OSBPL11: variants seen among roughly 807,000 people sequenced by gnomAD.
OSBPL11 encodes the protein oxysterol-binding protein-related protein 11.
Under a neutral mutation model 84.4 loss-of-function variants are expected in OSBPL11, and 33 were observed. The observed-to-expected ratio is 0.39, with a 90% CI of 0.30 to 0.52. The LOEUF is 0.52. OSBPL11 is among the 20% of genes least tolerant of loss of function. OSBPL11 has a pLI of 0.72. For synonymous variants in OSBPL11, 276 were observed against 310.2 expected, an observed-to-expected ratio of 0.89 and a Z score of 1.16; for missense variants, 736 against 901.1, an observed-to-expected ratio of 0.82 and a Z score of 2.35.
At chr3:125,557,566 C>T (rs945618253) in intron 8 of OSBPL11, among the ~76,000 whole-genome samples, 2 of 151,444 alleles carry the variant, frequency 1.3e-5, no homozygotes, top group African/African-American at 2.4e-5. Context: ...TTAGTAGAGA[C>T]GGGGTTTCAC....
At chr3:125,579,239 T>C (rs1031570910) in intron 3 of OSBPL11, among the ~76,000 whole-genome samples, 200 bp from the exon 4 acceptor site, 2 of 152,166 alleles carry the variant, frequency 1.3e-5, no homozygotes, top group African/African-American at 4.8e-5. Flanking sequence ...TGTAGTTACT[T>C]CATTAAAAGG....
intron 7 of OSBPL11, among the ~76,000 whole-genome samples, chr3:125,561,532 C>T (rs914655348): frequency 1.3e-5 from 2 of 152,322 alleles, no homozygotes; most frequent in Non-Finnish European, 2.9e-5. Flanking sequence ...TTGAAATGCA[C>T]ATAATCTATT....
rs375019255 is a variant in OSBPL11 at position 125,570,891 on chromosome 3, C to T, written c.667-3296G>A. On this transcript the variant is annotated intron_variant, in intron 5 of 12. Transcript: ENST00000296220. ...ATGGACTAATACAGTAAATTGGTAC[C>T]GGAAGTGGGGAGCTGCTGAAAAGAT... Among the ~76,000 whole-genome samples the T allele has an allele frequency of 9.2e-5, 14 of 152,050 alleles. No individual in the cohort carries two copies. The East Asian group carries it at 9.6e-4, about 10-fold the overall frequency.
chr3:125,590,877 C>G (rs1308692708), intron 1 of OSBPL11, among the ~76,000 whole-genome samples: 2 of 152,106 alleles, frequency 1.3e-5, no homozygotes, highest in African/African-American at 4.8e-5. Context: ...AAATATCTAT[C>G]TAGAAATAAA....
At chr3:125,543,124 A>ATTTTTTTTTTTTTTTTT (rs60571172) in intron 10 of OSBPL11, among the ~76,000 whole-genome samples, 1 of 99,288 alleles carries the variant, frequency 1.0e-5, no homozygotes, top group Non-Finnish European at 1.9e-5. Flanking sequence ...GGCTAGTAAG[A>ATTTTTTTTTTTTTTTTT]TTTTTTTTTT....
rs748312906 is a variant in OSBPL11 at position 125,567,447 on chromosome 3, A to C, written c.815T>G (p.Phe272Cys). The change falls in exon 6 of 13, where the codon TTT (phenylalanine) becomes TGT (cysteine). Residue 272 changes from phenylalanine (F) to cysteine (C), a missense_variant. This residue lies in a region of OSBPL11 where 579 missense variants were observed against 717.6 expected (regional missense o/e 0.81). Transcript: ENST00000296220. Reference protein sequence around the residue: ...MATMNCLNDCFHILQLQHASH... With the variant: ...MATMNCLNDCCHILQLQHASH... ...TGCATGCTGTAACTGGAGAATATGA[A>C]AGCAGTCATTTAAGCAGTTCATAGT... 15 of 1,614,034 alleles carry C rather than the reference A, an allele frequency of 9.3e-6. No homozygotes were observed. Among genetic ancestry groups the C allele is most frequent in the Non-Finnish European group, 1.3e-5 (15 of 1,180,014 alleles).
chr3:125,574,576 A>G (rs1210654616), intron 5 of OSBPL11, among the ~76,000 whole-genome samples: 1 of 151,638 alleles, frequency 6.6e-6, no homozygotes, highest in Admixed American at 6.6e-5. Context: ...TGAGGTAGAC[A>G]TTTTCTCAAG....
intron 10 of OSBPL11, among the ~76,000 whole-genome samples, chr3:125,539,885 T>TTA (rs1935705359): frequency 6.6e-6 from 1 of 152,130 alleles, no homozygotes; most frequent in African/African-American, 2.4e-5. Context: ...AGAATATGGC[T>TTA]TATCTAGATT....
At position 125,567,454 on chromosome 3, in the gene OSBPL11, C is replaced by T. The variant is rs370001434; in HGVS notation, c.808G>A (p.Asp270Asn). 15 of 1,613,968 alleles carry T rather than the reference C, an allele frequency of 9.3e-6. No homozygotes were observed. Among genetic ancestry groups the T allele is most frequent in the Non-Finnish European group, 1.3e-5 (15 of 1,180,014 alleles). ...TGTAACTGGAGAATATGAAAGCAGT[C>T]ATTTAAGCAGTTCATAGTTGCCATG... ...TSMATMNCLN[D>N]CFHILQLQHA... The change falls in exon 6 of 13, where the codon GAC becomes AAC. Residue 270 changes from aspartate (D) to asparagine (N), a missense_variant. Asp to Asn is a conservative substitution (Grantham distance 23). Coordinates refer to ENST00000296220, the MANE Select transcript of OSBPL11 (RefSeq NM_022776.5).
chr3:125,584,435 T>G (rs1371045439), intron 1 of OSBPL11, among the ~76,000 whole-genome samples: 3 of 152,192 alleles, frequency 2.0e-5, no homozygotes, highest in African/African-American at 7.2e-5. Context: ...CTCCATAATC[T>G]GAATATTTGC....
At chr3:125,580,285 C>T (rs535225700) in intron 2 of OSBPL11, among the ~76,000 whole-genome samples, 4 of 152,134 alleles carry the variant, frequency 2.6e-5, no homozygotes, top group African/African-American at 4.8e-5. Context: ...GAGGCAGAGG[C>T]GAGCGGATCA....
intron 11 of OSBPL11, among the ~76,000 whole-genome samples, chr3:125,534,951 G>GAAAAAAAAAAAAAAA (rs56164804): frequency 1.7e-4 from 11 of 64,640 alleles, no homozygotes; most frequent in African/African-American, 2.3e-4. Context: ...TAAGAAATTA[G>GAAAAAAAAAAAAAAA]AAAAAAAAAA....
At position 125,576,356 on chromosome 3, in the gene OSBPL11, G is replaced by A; in HGVS notation, c.499C>T (p.Pro167Ser). The change falls in exon 5 of 13, where the codon CCT becomes TCT. Residue 167 changes from proline to serine, a missense_variant. Around this residue, in one of 3 missense-constraint regions of OSBPL11, gnomAD observed 579 missense variants for 717.6 expected, o/e 0.81. Coordinates refer to ENST00000296220, the MANE Select transcript of OSBPL11 (RefSeq NM_022776.5). ...AGTGAGAAGCTCCGTGACTTCAGAG[G>A]AGGATTATTCTGTTAGACAAAGAAA... is the stretch of plus-strand genomic sequence containing the variant. The part of the protein sequence containing the change: ...HTEAIGKNNP[P>S]LKSRSFSLAS... The A allele has an allele frequency of 6.3e-7, 1 of 1,579,362 alleles. No individual in the cohort carries two copies. Among genetic ancestry groups the A allele is most frequent in the Non-Finnish European group, 8.5e-7 (1 of 1,170,368 alleles).
chr3:125,532,590 A>AC (rs199508571), intron 11 of OSBPL11, among the ~76,000 whole-genome samples: 7,460 of 150,012 alleles, frequency 0.05, 196 homozygotes, highest in African/African-American at 0.081. Flanking sequence ...AAAAAAAAAA[A>AC]AACAAAAAAA....
chr3:125,581,196 G>C (rs534932831), intron 2 of OSBPL11, among the ~76,000 whole-genome samples: 1 of 151,840 alleles, frequency 6.6e-6, no homozygotes, highest in Admixed American at 6.6e-5. Flanking sequence ...AGGTTCAAGC[G>C]ATTCTCATGC....
chr3:125,575,100 T>A (rs1936301929), intron 5 of OSBPL11, among the ~76,000 whole-genome samples: 1 of 152,168 alleles, frequency 6.6e-6, no homozygotes, highest in African/African-American at 2.4e-5. Context: ...ATCCTGTAGT[T>A]CAACTAAAAC....
At chr3:125,580,130 G>T in intron 2 of OSBPL11, 90 bp from the exon 3 acceptor site, 2 of 1,084,780 alleles carry the variant, frequency 1.8e-6, no homozygotes, top group East Asian at 2.5e-5. Context: ...CACATTTCAG[G>T]GTTTTGCTCT....
At chr3:125,548,589 A>G (rs946670867) in intron 9 of OSBPL11, among the ~76,000 whole-genome samples, 2 of 151,902 alleles carry the variant, frequency 1.3e-5, no homozygotes, top group African/African-American at 4.8e-5. Flanking sequence ...ATAAATAATC[A>G]CTGTATACTA....
chr3:125,590,203 T>C (rs1025814169), intron 1 of OSBPL11, among the ~76,000 whole-genome samples: 5 of 152,204 alleles, frequency 3.3e-5, no homozygotes, highest in African/African-American at 1.2e-4. Flanking sequence ...TATAAATTAC[T>C]CTGGAAACAA....
Sources: allele counts gnomAD v4.1 joint callset (sites outside exome capture counted in the v4.1 genomes callset), GRCh38; gene constraint gnomAD v4.1.1; regional missense constraint gnomAD v4.1.1; transcripts MANE v1.5; gene names NCBI Gene and HGNC (gene_info 2026-07-23, HGNC 2026-07-21).